CDH7: variants seen among roughly 807,000 people sequenced by gnomAD.
The protein encoded by CDH7 is cadherin 7.
CDH7 carries 25 observed loss-of-function variants against 71.8 expected under a neutral mutation model. The ratio of observed to expected loss-of-function variants is 0.35; its 90% CI spans 0.25 to 0.49. The LOEUF (loss-of-function observed/expected upper bound fraction) is 0.49. CDH7 is among the 20% of genes least tolerant of loss of function. The probability of loss-of-function intolerance (pLI) is 0.99; values close to 1 mark genes in which losing one functional copy is unlikely to be tolerated. For synonymous variants in CDH7, 381 were observed against 363.8 expected (o/e 1.05, Z -0.54); for missense variants, 862 against 974.6 (o/e 0.88, Z 1.54).
intron 11 of CDH7, among the ~76,000 whole-genome samples, chr18:65,869,417 G>A (rs867420515): frequency 5.9e-5 from 9 of 152,042 alleles, no homozygotes; most frequent in African/African-American, 1.9e-4. Flanking sequence ...CTCTCATCCA[G>A]TTTGACTTTA....
At chr18:65,826,273 T>C (rs1912127979) in intron 6 of CDH7, among the ~76,000 whole-genome samples, 1 of 151,384 alleles carries the variant, frequency 6.6e-6, no homozygotes, top group African/African-American at 2.4e-5. Flanking sequence ...CAAATAATCA[T>C]TATTATTCTT....
chr18:65,784,021 G>A (rs762335256), intron 2 of CDH7, among the ~76,000 whole-genome samples: 1 of 151,088 alleles, frequency 6.6e-6, no homozygotes, highest in South Asian at 2.1e-4. Context: ...GTGTGATCTC[G>A]GCTCACAACA....
intron 4 of CDH7, among the ~76,000 whole-genome samples, chr18:65,817,683 C>A (rs1387204643): frequency 1.3e-5 from 2 of 152,306 alleles, no homozygotes; most frequent in African/African-American, 4.8e-5. Context: ...GTTTTCTCAG[C>A]TAATCAGTAA....
intron 5 of CDH7, among the ~76,000 whole-genome samples, chr18:65,823,269 T>TTTCTTTCAATA (rs1912004155): frequency 1.3e-5 from 2 of 151,986 alleles, no homozygotes; most frequent in South Asian, 4.1e-4. Context: ...TTAGCATTAT[T>TTTCTTTCAATA]TTCTTTCAAT....
intron 5 of CDH7, among the ~76,000 whole-genome samples, chr18:65,824,440 T>C (rs1430057995): frequency 6.6e-6 from 1 of 151,932 alleles, no homozygotes; most frequent in African/African-American, 2.4e-5. Flanking sequence ...CTATTTCTGC[T>C]ATCACAGTGA....
chr18:65,765,493 G>A (rs1916330217), intron 2 of CDH7, among the ~76,000 whole-genome samples: 1 of 149,466 alleles, frequency 6.7e-6, no homozygotes. Context: ...GGGAGGTGAT[G>A]TCTGTGCCCA....
intron 11 of CDH7, among the ~76,000 whole-genome samples, chr18:65,876,618 G>C (rs1396569141): frequency 1.3e-5 from 2 of 152,002 alleles, no homozygotes; most frequent in African/African-American, 2.4e-5. Flanking sequence ...CATCAGTTAA[G>C]TCTTTCTCAT....
intron 2 of CDH7, chr18:65,803,883 C>A (rs1911216838): frequency 1.4e-5 from 2 of 147,508 alleles, no homozygotes; most frequent in Non-Finnish European, 3.0e-5. Flanking sequence ...AACACACACA[C>A]TTTTTACTTT....
In CDH7 at chr18:65,885,313, T is replaced by C. The variant is rs951665760; in HGVS notation, c.*4419T>C. The C allele has an allele frequency of 6.7e-6, 1 of 150,308 alleles. No homozygotes were observed. Among genetic ancestry groups the C allele is most frequent in the Non-Finnish European group, 1.5e-5 (1 of 67,420 alleles). The allele number at this position is 150,308 out of a possible 1,614,324, so 9.3% of individuals were successfully genotyped here. A position where few individuals can be genotyped will look rare whatever the true frequency, so the allele number is the denominator to read the frequency against. ...AGTGTGCGTTGCATTCTGACACTTT[T>C]TCATTGTTATGCTAACTTCTACTGG... is the stretch of plus-strand genomic sequence containing the variant. On this transcript the variant is annotated 3_prime_UTR_variant, in exon 12 of 12. Transcript: ENST00000397968.
intron 7 of CDH7, among the ~76,000 whole-genome samples, chr18:65,856,036 A>G (rs1015512835): frequency 6.6e-6 from 1 of 152,098 alleles, no homozygotes; most frequent in Non-Finnish European, 1.5e-5. Context: ...TCCCGCCGTA[A>G]GGACACTCAG....
At chr18:65,810,764 G>A (rs1336050046) in intron 3 of CDH7, among the ~76,000 whole-genome samples, 4 of 151,982 alleles carry the variant, frequency 2.6e-5, no homozygotes, top group East Asian at 1.9e-4. Flanking sequence ...CCATGCCACC[G>A]CTAATTTTAA....
chr18:65,838,683 G>T (rs1054742422), intron 6 of CDH7, among the ~76,000 whole-genome samples: 1 of 152,134 alleles, frequency 6.6e-6, no homozygotes, highest in South Asian at 2.1e-4. Flanking sequence ...CAGAAGCAAA[G>T]CTATATTAAT....
chr18:65,871,072 TTAAC>T (rs1328533999), intron 11 of CDH7, among the ~76,000 whole-genome samples: 1 of 152,182 alleles, frequency 6.6e-6, no homozygotes, highest in African/African-American at 2.4e-5. Context: ...ATCAGATAAA[TTAAC>T]TACATTACAG....
Position 65,763,007 on chromosome 18 carries a change from T to C in CDH7, c.165T>C (p.Phe55=), listed in dbSNP as rs1398544516. Residue 55 remains phenylalanine (F), a synonymous_variant, in exon 2 of 12, where the codon TTT becomes TTC. Transcript: ENST00000397968. The part of the protein sequence containing the change: ...TKRSWVWNQF[F]VLEEYMGSDP... ...GCAGCTGGGTGTGGAATCAGTTCTT[T>C]GTGCTGGAGGAATACATGGGTTCAG... The C allele has an allele frequency of 9.9e-6, 16 of 1,613,406 alleles. No homozygotes were observed. The highest frequency in any genetic ancestry group is 1.4e-5 in the Non-Finnish European group (16 of 1,179,752).
intron 2 of CDH7, among the ~76,000 whole-genome samples, chr18:65,800,542 A>T (rs1351712345): frequency 6.6e-6 from 1 of 152,154 alleles, no homozygotes; most frequent in Non-Finnish European, 1.5e-5. Context: ...AGTTCTGTAG[A>T]CCTCAGGCAG....
intron 7 of CDH7, among the ~76,000 whole-genome samples, chr18:65,856,092 C>T (rs991328369): frequency 6.6e-6 from 1 of 152,088 alleles, no homozygotes; most frequent in African/African-American, 2.4e-5. Flanking sequence ...AACTCACCAT[C>T]CATGCCATGC....
At chr18:65,781,769 TCCTTCCTTCCTTCCTTCCTTCCTTCCTTC>T (rs1910203710) in intron 2 of CDH7, among the ~76,000 whole-genome samples, 1 of 78,794 alleles carries the variant, frequency 1.3e-5, no homozygotes, top group African/African-American at 5.1e-5. Flanking sequence ...TTTCTTTCTT[TCCTTCCTTCCTTCCTTCCTTCCTTCCTTC>T]CTTCCTTCCT....
At chr18:65,781,896 C>CTA in intron 2 of CDH7, among the ~76,000 whole-genome samples, 1 of 106,636 alleles carries the variant, frequency 9.4e-6, no homozygotes, top group African/African-American at 4.4e-5. Context: ...CTCTCTCTTT[C>CTA]TCTCTATCTT....
At chr18:65,836,446 T>C (rs1387503520) in intron 6 of CDH7, among the ~76,000 whole-genome samples, 1 of 152,162 alleles carries the variant, frequency 6.6e-6, no homozygotes, top group Non-Finnish European at 1.5e-5. Context: ...CAATATTAAC[T>C]TGTGTTACTA....
Sources: gnomAD v4.1 joint callset for allele counts (sites outside exome capture counted in the v4.1 genomes callset) on GRCh38, gnomAD v4.1.1 for gene constraint, MANE v1.5 for transcripts, NCBI Gene and HGNC (gene_info 2026-07-23, HGNC 2026-07-21) for gene names.